The following GLP1R variants were observed in gnomAD, a reference collection of about 807,000 sequenced individuals.
The protein encoded by GLP1R is glucagon-like peptide 1 receptor.
A neutral mutation model predicts 68.4 loss-of-function variants in GLP1R; 32 were observed. That is an observed-to-expected ratio of 0.47 (90% CI 0.35 to 0.63). The LOEUF (loss-of-function observed/expected upper bound fraction) is 0.63, where lower values mean the gene tolerates loss of function less well. Ranked by LOEUF, GLP1R falls within the 20% of genes least tolerant of loss-of-function variation. The pLI is 0.00. For synonymous variants in GLP1R, 263 were observed against 244.4 expected, an observed-to-expected ratio of 1.08 and a Z score of -0.71; for missense variants, 502 against 594.9, an observed-to-expected ratio of 0.84 and a Z score of 1.62.
At position 39,066,238 on chromosome 6, in the gene GLP1R, C is replaced by T. The variant is rs750528282; in HGVS notation, c.444C>T (p.Tyr148=). The part of the protein sequence containing the change: ...EEQLLFLYII[Y]TVGYALSFSA... ...AGCTCCTGTTCCTCTACATCATCTA[C>T]ACGGTGGGCTACGCACTCTCCTTCT... is the stretch of plus-strand genomic sequence containing the variant. Residue 148 remains tyrosine (Y), a synonymous_variant, in exon 5 of 13, where the codon TAC becomes TAT. Coordinates refer to ENST00000373256, the MANE Select transcript of GLP1R (RefSeq NM_002062.5). 9 of 1,613,030 alleles carry T rather than the reference C, an allele frequency of 5.6e-6. No individual in the cohort carries two copies. The highest frequency in any genetic ancestry group is 1.3e-5 in the African/African-American group (1 of 74,920).
chr6:39,062,932 C>G (rs1203347282), intron 3 of GLP1R, among the ~76,000 whole-genome samples: 1 of 152,228 alleles, frequency 6.6e-6, no homozygotes, highest in Non-Finnish European at 1.5e-5. Context: ...TGTGAAGGCA[C>G]AGCCTATGGA....
chr6:39,079,497 A>G lies in GLP1R; in HGVS notation c.1044-67A>G, dbSNP rs1040628195. ...GGACTTGGTAGGAAGTGGGGAGGGTAGAGAAAGGGAAGAAGAGTCCATGGG... is the reference window on the plus strand; with the variant it reads ...GGACTTGGTAGGAAGTGGGGAGGGTGGAGAAAGGGAAGAAGAGTCCATGGG... On this transcript the variant is annotated intron_variant, in intron 10 of 12. Transcript: ENST00000373256. This position sits in a 1 kb window ranked among gnomAD's most constrained non-coding sequence, Gnocchi z 4.5. 10 of 1,425,450 alleles carry G rather than the reference A, an allele frequency of 7.0e-6. No individual in the cohort carries two copies. The East Asian group carries it at 2.1e-4, about 29-fold the overall frequency. 88.3% of individuals were successfully genotyped at this position (1,425,450 alleles called of 1,614,324 possible).
intron 8 of GLP1R, among the ~76,000 whole-genome samples, chr6:39,078,585 C>T (rs549629344): frequency 2.6e-5 from 4 of 152,094 alleles, no homozygotes; most frequent in East Asian, 1.9e-4. Flanking sequence ...TGATGACTAA[C>T]GGAACTGGGT....
chr6:39,079,512 G>T lies in GLP1R; in HGVS notation c.1044-52G>T. The T allele has an allele frequency of 6.6e-7, 1 of 1,513,364 alleles. No homozygotes were observed. The highest frequency in any genetic ancestry group is 8.9e-7 in the Non-Finnish European group (1 of 1,126,526). The allele number at this position is 1,513,364 out of a possible 1,614,324, so 93.7% of individuals were successfully genotyped here. A position where few individuals can be genotyped will look rare whatever the true frequency, so the allele number is the denominator to read the frequency against. ...TGGGGAGGGTAGAGAAAGGGAAGAA[G>T]AGTCCATGGGAGAGGTCCAGAATGA... On this transcript the variant is annotated intron_variant, in intron 10 of 12. Transcript: ENST00000373256. The surrounding 1 kb of genome is among the most constrained non-coding windows in gnomAD (Gnocchi z 4.5).
intron 5 of GLP1R, among the ~76,000 whole-genome samples, chr6:39,070,731 CTG>C (rs1768638219): frequency 6.6e-6 from 1 of 151,982 alleles, no homozygotes; most frequent in South Asian, 2.1e-4. Context: ...ATGATTTTTT[CTG>C]TGAGTTGCTT....
intron 7 of GLP1R, among the ~76,000 whole-genome samples, chr6:39,078,019 G>A (rs981257240): frequency 6.6e-6 from 1 of 152,096 alleles, no homozygotes; most frequent in Non-Finnish European, 1.5e-5. Context: ...TTGTGTGTCT[G>A]TGGCCTGGTA....
chr6:39,073,488 T>C, intron 6 of GLP1R, 122 bp from the exon 7 acceptor site: 1 of 807,458 alleles, frequency 1.2e-6, no homozygotes, highest in Non-Finnish European at 2.0e-6. Flanking sequence ...TAGCCAGAGA[T>C]GTGAGCTCTC....
At chr6:39,075,131 C>T (rs1397916276) in intron 7 of GLP1R, among the ~76,000 whole-genome samples, 1 of 152,204 alleles carries the variant, frequency 6.6e-6, no homozygotes, top group Non-Finnish European at 1.5e-5. Flanking sequence ...CCCTTCAGTC[C>T]CCTGCAGCAC....
chr6:39,073,067 C>G (rs375701977), intron 6 of GLP1R, 52 bp downstream of exon 6: 60 of 1,516,330 alleles, frequency 4.0e-5, no homozygotes, highest in Non-Finnish European at 5.3e-5. Flanking sequence ...TTGGAGGAGG[C>G]CTGCCTCTGC....
chr6:39,075,411 G>A (rs1321656836), intron 7 of GLP1R, among the ~76,000 whole-genome samples: 15 of 152,188 alleles, frequency 9.9e-5, no homozygotes, highest in Non-Finnish European at 2.9e-5. Flanking sequence ...GCGACCCGAG[G>A]GCAGGAACAA....
chr6:39,079,053 T>C lies in GLP1R; in HGVS notation c.954+27T>C, dbSNP rs1045639934. The C allele has an allele frequency of 6.2e-7, 1 of 1,611,224 alleles. No individual in the cohort carries two copies. Among genetic ancestry groups the C allele is most frequent in the East Asian group, 2.2e-5 (1 of 44,858 alleles). On this transcript the variant is annotated intron_variant, in intron 9 of 12. Transcript: ENST00000373256. The surrounding 1 kb of genome is among the most constrained non-coding windows in gnomAD (Gnocchi z 4.5). ...TGAGTGATGGTGTCAGGGATGGGAG[T>C]GGCAGCTATGATAGGGCTGGGCTGG...
At chr6:39,058,354 A>G (rs747040782) in intron 3 of GLP1R, among the ~76,000 whole-genome samples, 21 of 152,084 alleles carry the variant, frequency 1.4e-4, no homozygotes, top group Non-Finnish European at 1.8e-4. Context: ...TGGGGTGACG[A>G]ACCCCACCAG....
At position 39,065,841 on chromosome 6, in the gene GLP1R, C is replaced by A; in HGVS notation, c.402+12C>A. On this transcript the variant is annotated intron_variant, in intron 4 of 12. Transcript: ENST00000373256. Reference sequence around the variant, plus strand: ...AGCGAGGGGAAAGAGTGAGTTGAGGCGGGGTTCTGAGCCAGGGAGCGGGGA... The same window carrying A: ...AGCGAGGGGAAAGAGTGAGTTGAGGAGGGGTTCTGAGCCAGGGAGCGGGGA... 1.3e-6 allele frequency: 2 copies of A among 1,522,590 alleles called. No homozygotes were observed. The highest frequency in any genetic ancestry group is 1.8e-6 in the Non-Finnish European group (2 of 1,099,222). 94.3% of individuals were successfully genotyped at this position (1,522,590 alleles called of 1,614,324 possible).
chr6:39,070,083 G>A (rs910202478), intron 5 of GLP1R, among the ~76,000 whole-genome samples: 2 of 152,112 alleles, frequency 1.3e-5, no homozygotes, highest in Non-Finnish European at 2.9e-5. Flanking sequence ...AACTCACTTA[G>A]GCCTCTTTTA....
intron 12 of GLP1R, among the ~76,000 whole-genome samples, chr6:39,081,612 A>G (rs1769015314): frequency 6.6e-6 from 1 of 152,326 alleles, no homozygotes; most frequent in Non-Finnish European, 1.5e-5. Context: ...TGTTGGAGTC[A>G]GCACATTAAT....
At chr6:39,082,695 G>A (rs150217219) in intron 12 of GLP1R, among the ~76,000 whole-genome samples, 30 of 152,270 alleles carry the variant, frequency 2.0e-4, no homozygotes, top group Non-Finnish European at 4.0e-4. Context: ...CAGCCAGCTG[G>A]GTGATGCGCT....
intron 3 of GLP1R, among the ~76,000 whole-genome samples, chr6:39,060,224 A>G (rs181709511): frequency 6.6e-6 from 1 of 152,246 alleles, no homozygotes; most frequent in Admixed American, 6.5e-5. Flanking sequence ...GAAGAAGGGG[A>G]CAGTTCTGGA....
chr6:39,069,067 A>G (rs1167156521), intron 5 of GLP1R, among the ~76,000 whole-genome samples: 1 of 152,212 alleles, frequency 6.6e-6, no homozygotes, highest in East Asian at 1.9e-4. Flanking sequence ...TAAGCAGTCA[A>G]GGGCAGCCAT....
chr6:39,058,642 T>TATC (rs112102888), intron 3 of GLP1R, among the ~76,000 whole-genome samples: 3,262 of 149,958 alleles, frequency 0.022, 45 homozygotes, highest in African/African-American at 0.037. Flanking sequence ...GATATTTCCC[T>TATC]ATCATCATCA....
Sources: gnomAD v4.1 joint callset for allele counts (sites outside exome capture counted in the v4.1 genomes callset) on GRCh38, gnomAD v4.1.1 for gene constraint, Gnocchi (gnomAD v3.1) non-coding constraint, MANE v1.5 for transcripts, NCBI Gene and HGNC (gene_info 2026-07-23, HGNC 2026-07-21) for gene names.